Variants in CEACAM8 observed in about 807,000 individuals in gnomAD.
CEACAM8 encodes the protein cell adhesion molecule CEACAM8.
CEACAM8 carries 31 observed loss-of-function variants against 33.4 expected under a neutral mutation model. That is an observed-to-expected ratio of 0.93 (90% CI 0.70 to 1.25). The LOEUF (loss-of-function observed/expected upper bound fraction) is 1.25. Ranked by LOEUF, CEACAM8 falls within the 50% of genes most tolerant of loss-of-function variation. CEACAM8 has a pLI of 0.00. For missense variants in CEACAM8, 388 were observed against 434.6 expected (o/e 0.89, Z 0.95); for synonymous variants, 138 against 164.5 (o/e 0.84, Z 1.23).
At chr19:42,582,662 G>A (rs540219969) in intron 5 of CEACAM8, among the ~76,000 whole-genome samples, 134 of 152,244 alleles carry the variant, frequency 8.8e-4, no homozygotes, top group Middle Eastern at 3.4e-3. Context: ...GGGTAGATGC[G>A]CAGGGAAGTG....
At chr19:42,591,565 C>T (rs2042439728) in intron 2 of CEACAM8, among the ~76,000 whole-genome samples, 1 of 152,206 alleles carries the variant, frequency 6.6e-6, no homozygotes, top group Admixed American at 6.5e-5. Context: ...CAGGTATGCG[C>T]AATGCTTTCT....
chr19:42,586,569 A>G (rs1278729969), intron 4 of CEACAM8, among the ~76,000 whole-genome samples: 2 of 152,226 alleles, frequency 1.3e-5, no homozygotes, highest in African/African-American at 2.4e-5. Context: ...CTGACACCAT[A>G]TACAAAAAAC....
rs78343419 is a variant in CEACAM8, at chr19:42,592,222, C to T, written c.424+1319G>A. On this transcript the variant is annotated intron_variant, in intron 2 of 5. Transcript: ENST00000244336. ...TGGCTGGAGAGAGACCTCATGTGAC[C>T]CTGATCTATCCCTCGTGTTTGTGTG... Among the ~76,000 whole-genome samples, 709 of 152,126 alleles carry T rather than the reference C, an allele frequency of 4.7e-3. 4 individuals are homozygous for T. The highest frequency in any genetic ancestry group is 0.016 in the African/African-American group (662 of 41,478).
rs771332056 is a variant in CEACAM8 at position 42,593,735 on chromosome 19, C to T, written c.230G>A (p.Arg77His). Residue 77 changes from arginine to histidine, a missense_variant, in exon 2 of 6, where the codon CGT (arginine) becomes CAT (histidine). Coordinates refer to ENST00000244336, the MANE Select transcript of CEACAM8 (RefSeq NM_001816.4). ...TGATATTACATATCCTATAATTCGACGGTTGGCATCCACTGTTTCCCCTTT... is the reference window on the plus strand; with the variant it reads ...TGATATTACATATCCTATAATTCGATGGTTGGCATCCACTGTTTCCCCTTT... Reference protein sequence around the residue: ...WYKGETVDANRRIIGYVISNQ... With the variant: ...WYKGETVDANHRIIGYVISNQ... 11 of 1,613,900 alleles carry T rather than the reference C, an allele frequency of 6.8e-6. No homozygotes were observed. Among genetic ancestry groups the T allele is most frequent in the African/African-American group, 4.0e-5 (3 of 74,852 alleles).
In CEACAM8 at chr19:42,583,341, T is replaced by A; in HGVS notation, c.959-4A>T. The A allele has an allele frequency of 1.3e-6, 2 of 1,598,602 alleles. No homozygotes were observed. The highest frequency in any genetic ancestry group is 1.7e-6 in the Non-Finnish European group (2 of 1,166,802). On this transcript the variant is annotated splice_polypyrimidine_tract_variant and splice_region_variant and intron_variant, in intron 4 of 5. Transcript: ENST00000244336. The stretch of plus-strand genomic sequence containing the variant: ...GAACTTCCTTGTACTAAAGCATCTG[T>A]CATGGAAAGAAAAGAAGAGAAGGAA...
In CEACAM8 at chr19:42,589,615, C is replaced by A; in HGVS notation, c.545G>T (p.Gly182Val). ...QNTTYLWWVN[G>V]QSLPVSPRLQ... The stretch of plus-strand genomic sequence containing the variant: ...CCTGGGACTGACCGGGAGACTCTGA[C>A]CATTTACCCACCACAGGTAGGTTGT... The change falls in exon 3 of 6, where the codon GGT becomes GTT. Residue 182 changes from glycine to valine, a missense_variant. Gly to Val is a moderately radical substitution (Grantham distance 109). Coordinates refer to ENST00000244336, the MANE Select transcript of CEACAM8 (RefSeq NM_001816.4). 1 of 1,614,176 alleles carries A rather than the reference C, an allele frequency of 6.2e-7. No homozygotes were observed. The highest frequency in any genetic ancestry group is 8.5e-7 in the Non-Finnish European group (1 of 1,180,038).
intron 4 of CEACAM8, among the ~76,000 whole-genome samples, chr19:42,586,635 A>G (rs1165686098): frequency 6.6e-6 from 1 of 152,228 alleles, no homozygotes; most frequent in Non-Finnish European, 1.5e-5. Context: ...AAACTCTCAG[A>G]AGAAAACACA....
intron 4 of CEACAM8, among the ~76,000 whole-genome samples, chr19:42,587,271 T>C (rs1050471456): frequency 2.0e-5 from 3 of 152,224 alleles, no homozygotes; most frequent in African/African-American, 7.2e-5. Context: ...TGGAAGGGAT[T>C]TGAACAGATA....
chr19:42,586,967 T>A (rs1400560774), intron 4 of CEACAM8, among the ~76,000 whole-genome samples: 3 of 152,156 alleles, frequency 2.0e-5, no homozygotes, highest in Non-Finnish European at 4.4e-5. Flanking sequence ...AAATGGCCAA[T>A]GAGCACATGC....
chr19:42,585,313 C>CAAAAAAAAAAAAAAAAAAAAAAA, intron 4 of CEACAM8, among the ~76,000 whole-genome samples: 1 of 61,948 alleles, frequency 1.6e-5, no homozygotes, highest in Middle Eastern at 8.8e-3. Context: ...CTCTCTCTCT[C>CAAAAAAAAAAAAAAAAAAAAAAA]AAAAAAAAAA....
chr19:42,583,435 G>T (rs2042286807), intron 4 of CEACAM8, 98 bp from the exon 5 acceptor site: 4 of 751,418 alleles, frequency 5.3e-6, no homozygotes, highest in Admixed American at 2.7e-5. Flanking sequence ...GTCTCTACTT[G>T]TTTTTTCAAG....
chr19:42,583,480 G>A (rs957466701), intron 4 of CEACAM8, 143 bp from the exon 5 acceptor site: 14 of 654,938 alleles, frequency 2.1e-5, no homozygotes, highest in African/African-American at 3.8e-5. Flanking sequence ...TTGCTGGGAC[G>A]TGATTAGCCA....
chr19:42,591,975 A>AGG (rs2042448342), intron 2 of CEACAM8, among the ~76,000 whole-genome samples: 2 of 152,110 alleles, frequency 1.3e-5, no homozygotes, highest in Non-Finnish European at 2.9e-5. Flanking sequence ...AGGTTCAGTG[A>AGG]GGGGGGTTAG....
In CEACAM8 at chr19:42,588,998, A is replaced by G. The variant is rs1367087758; in HGVS notation, c.744T>C (p.Tyr248=). The G allele has an allele frequency of 6.2e-7, 1 of 1,614,138 alleles. No individual in the cohort carries two copies. The highest frequency in any genetic ancestry group is 1.3e-5 in the African/African-American group (1 of 75,048). The change falls in exon 4 of 6, where the codon TAT becomes TAC. Residue 248 remains tyrosine, a synonymous_variant. Coordinates refer to ENST00000244336, the MANE Select transcript of CEACAM8 (RefSeq NM_001816.4). ...GGTTGAGATTTACCCCTGCATGGTAATAGGTGTCTGAAGGGGAAATGGTGG... is the reference window on the plus strand; with the variant it reads ...GGTTGAGATTTACCCCTGCATGGTAGTAGGTGTCTGAAGGGGAAATGGTGG... ...DAPTISPSDT[Y]YHAGVNLNLS...
intron 4 of CEACAM8, among the ~76,000 whole-genome samples, chr19:42,587,069 A>G (rs2042348687): frequency 6.6e-6 from 1 of 152,232 alleles, no homozygotes; most frequent in South Asian, 2.1e-4. Flanking sequence ...CTTTGATTAA[A>G]AAAAAACCAC....
chr19:42,594,634 T>G, intron 1 of CEACAM8, 131 bp downstream of exon 1: 1 of 688,490 alleles, frequency 1.5e-6, no homozygotes, highest in South Asian at 1.5e-5. Flanking sequence ...TCCCCTCTCT[T>G]GTGTCCTCTC....
chr19:42,581,888 C>CAAAAAAAAA (rs71298757), intron 5 of CEACAM8, among the ~76,000 whole-genome samples: 1 of 13,886 alleles, frequency 7.2e-5, no homozygotes, highest in Non-Finnish European at 1.4e-4. Context: ...GACTCCGTCT[C>CAAAAAAAAA]AAAAAAAAAA....
At position 42,588,777 on chromosome 19, in the gene CEACAM8, CACTTACCAGAGACTGTGATCATCCTG is replaced by C; in HGVS notation, c.939_958+6del. 3.7e-6 allele frequency: 6 copies of C among 1,613,876 alleles called. No individual in the cohort carries two copies. Among genetic ancestry groups the C allele is most frequent in the Non-Finnish European group, 5.1e-6 (6 of 1,179,796 alleles). ...ACATACTGCCAGTGCTCCAGGGATC[CACTTACCAGAGACTGTGATCATCCTG>C]ACTGTGGTCCTGTTGCGGCCAGTGG... is the stretch of plus-strand genomic sequence containing the variant. On this transcript the variant is annotated splice_donor_variant and splice_donor_5th_base_variant and coding_sequence_variant and intron_variant, in exon 4 of 6. Transcript: ENST00000244336. LOFTEE classifies it high-confidence loss of function.
In CEACAM8 at chr19:42,593,760, T is replaced by C. The variant is rs576468949; in HGVS notation, c.205A>G (p.Lys69Glu). The C allele has an allele frequency of 6.2e-6, 10 of 1,614,088 alleles. No individual in the cohort carries two copies. The South Asian group carries it at 9.9e-5, about 16-fold the overall frequency. ...PQDPRGYNWY[K>E]GETVDANRRI... ...CGGTTGGCATCCACTGTTTCCCCTT[T>C]GTACCAGTTGTAGCCACGAGGGTCC... Residue 69 changes from lysine (K) to glutamate (E), a missense_variant, in exon 2 of 6, where the codon AAA becomes GAA. Lys to Glu is a moderately conservative substitution (Grantham distance 56). Coordinates refer to ENST00000244336, the MANE Select transcript of CEACAM8 (RefSeq NM_001816.4).
Sources: allele counts gnomAD v4.1 joint callset (sites outside exome capture counted in the v4.1 genomes callset), GRCh38; gene constraint gnomAD v4.1.1; transcripts MANE v1.5; gene names NCBI Gene and HGNC (gene_info 2026-07-23, HGNC 2026-07-21).